AKAP6: variants seen among roughly 807,000 people sequenced by gnomAD.
AKAP6 encodes the protein A-kinase anchor protein 6.
Under a neutral mutation model 188.5 loss-of-function variants are expected in AKAP6, and 58 were observed. That is an observed-to-expected ratio of 0.31 (90% CI 0.25 to 0.38). The LOEUF (loss-of-function observed/expected upper bound fraction) is 0.38, where lower values mean the gene tolerates loss of function less well. Among genes scored for constraint, AKAP6 ranks in the 10% least tolerant of loss-of-function variants. AKAP6 has a pLI of 1.00. For missense variants in AKAP6, 2,710 were observed against 2,740.0 expected, an observed-to-expected ratio of 0.99 and a Z score of 0.24; for synonymous variants, 989 against 998.6, an observed-to-expected ratio of 0.99 and a Z score of 0.18.
chr14:32,769,345 G>T lies in AKAP6; in HGVS notation c.3373-4333G>T, dbSNP rs538019055. 2.6e-5 allele frequency among the ~76,000 whole-genome samples: 4 copies of T among 151,986 alleles called. No individual in the cohort carries two copies. The East Asian group carries it at 7.8e-4, about 29-fold the overall frequency. ...TTACAGATATGAGCCACTGCGCCTG[G>T]CCCCTCTTGATAATATTTAAACTAG... is the stretch of plus-strand genomic sequence containing the variant. On this transcript the variant is annotated intron_variant, in intron 11 of 13. Transcript: ENST00000280979.
At position 32,834,533 on chromosome 14, in the gene AKAP6, CTTTTTTT is replaced by C. The variant is rs11417769; in HGVS notation, c.*4743_*4749del. 8 of 103,874 alleles carry C rather than the reference CTTTTTTT, an allele frequency of 7.7e-5. No homozygotes were observed. In the Admixed American group the frequency reaches 8.0e-4, roughly 10 times the overall value. 6.4% of individuals were successfully genotyped at this position (103,874 alleles called of 1,614,324 possible). ...CACACACTGCTTTTAGTTTCCAAGT[CTTTTTTT>C]TTTTTTTTTTTTTTAAATCTTGCAT... On this transcript the variant is annotated 3_prime_UTR_variant, in exon 14 of 14. Transcript: ENST00000280979.
At chr14:32,628,345 A>T (rs940141739) in intron 7 of AKAP6, among the ~76,000 whole-genome samples, 1 of 152,130 alleles carries the variant, frequency 6.6e-6, no homozygotes, top group East Asian at 1.9e-4. Context: ...CAACCATCCA[A>T]ATTCTACAGT....
At chr14:32,349,291 C>T (rs919418198) in intron 1 of AKAP6, among the ~76,000 whole-genome samples, 2 of 151,756 alleles carry the variant, frequency 1.3e-5, no homozygotes, top group Non-Finnish European at 2.9e-5. Context: ...CTTTTTAGTG[C>T]CTTTCAAAAC....
At chr14:32,656,584 T>A (rs892503339) in intron 7 of AKAP6, among the ~76,000 whole-genome samples, 20 of 152,206 alleles carry the variant, frequency 1.3e-4, no homozygotes, top group Admixed American at 1.2e-3. Context: ...AAGCTGGTAA[T>A]CTGAAGACTA....
At chr14:32,685,510 G>A (rs1319874618) in intron 8 of AKAP6, among the ~76,000 whole-genome samples, 1 of 151,850 alleles carries the variant, frequency 6.6e-6, no homozygotes, top group Non-Finnish European at 1.5e-5. Context: ...GGATCACGAG[G>A]TCAGGAGATC....
chr14:32,354,473 G>A (rs1594533216), intron 1 of AKAP6, among the ~76,000 whole-genome samples: 1 of 152,164 alleles, frequency 6.6e-6, no homozygotes, highest in African/African-American at 2.4e-5. Context: ...ATTCTGTTTA[G>A]CGTGGTGTCT....
chr14:32,675,237 T>C (rs2139627342), intron 7 of AKAP6, among the ~76,000 whole-genome samples: 1 of 152,338 alleles, frequency 6.6e-6, no homozygotes, highest in South Asian at 2.1e-4. Context: ...CTCCTATTGA[T>C]GGCATCATGG....
intron 11 of AKAP6, among the ~76,000 whole-genome samples, chr14:32,768,414 A>G (rs2032783960): frequency 1.3e-5 from 2 of 152,218 alleles, no homozygotes; most frequent in Non-Finnish European, 2.9e-5. Flanking sequence ...TAAAAATGAC[A>G]AAAAAGAGTA....
chr14:32,518,961 C>T (rs542932353), intron 2 of AKAP6, among the ~76,000 whole-genome samples: 2 of 152,282 alleles, frequency 1.3e-5, no homozygotes, highest in East Asian at 3.9e-4. Context: ...TCGGGTTACC[C>T]ACAAAGGGAA....
At position 32,476,566 on chromosome 14, in the gene AKAP6, T is replaced by C. The variant is rs534878622; in HGVS notation, c.324+42749T>C. Reference sequence around the variant, plus strand: ...TTTTAGCCCTGTTTCCCATCGAATTTTATCTAGTCATATTTGACTTGTGTC... The same window carrying C: ...TTTTAGCCCTGTTTCCCATCGAATTCTATCTAGTCATATTTGACTTGTGTC... On this transcript the variant is annotated intron_variant, in intron 2 of 13. Transcript: ENST00000280979. Among the ~76,000 whole-genome samples, 7 of 152,326 alleles carry C rather than the reference T, an allele frequency of 4.6e-5. No individual in the cohort carries two copies. The South Asian group carries it at 1.5e-3, about 32-fold the overall frequency.
Position 32,433,264 on chromosome 14 carries a change from T to G in AKAP6, c.-34-196T>G. On this transcript the variant is annotated intron_variant, in intron 1 of 13. Coordinates refer to ENST00000280979, the MANE Select transcript of AKAP6 (RefSeq NM_004274.5). ...AGTAGTCAATATCACAGTGGTTTTA[T>G]GTTCATATTATTTCCTGGCTCTTGG... 1.2e-5 allele frequency: 6 copies of G among 496,856 alleles called. No homozygotes were observed. In the South Asian group the frequency reaches 1.5e-4, roughly 12 times the overall value. 30.8% of individuals were successfully genotyped at this position (496,856 alleles called of 1,614,324 possible).
At chr14:32,777,956 T>C (rs1446953493) in intron 12 of AKAP6, among the ~76,000 whole-genome samples, 4 of 152,168 alleles carry the variant, frequency 2.6e-5, no homozygotes, top group Non-Finnish European at 5.9e-5. Context: ...GGAGGATCAC[T>C]TGAGCCTGGG....
chr14:32,404,691 G>GATTATATATATATATATATATATAT (rs376446917), intron 1 of AKAP6, among the ~76,000 whole-genome samples: 2 of 44,438 alleles, frequency 4.5e-5, no homozygotes, highest in Non-Finnish European at 9.2e-5. Context: ...GGAGTCAGGA[G>GATTATATATATATATATATATATAT]ATATATATAT....
intron 2 of AKAP6, among the ~76,000 whole-genome samples, chr14:32,461,812 G>A (rs553462371): frequency 6.6e-6 from 1 of 152,126 alleles, no homozygotes; most frequent in East Asian, 1.9e-4. Context: ...ATAATGCAAT[G>A]CAAGGAAGCT....
chr14:32,445,838 C>T (rs926563589), intron 2 of AKAP6, among the ~76,000 whole-genome samples: 1 of 152,150 alleles, frequency 6.6e-6, no homozygotes, highest in Admixed American at 6.5e-5. Context: ...AATTAGCATA[C>T]AATTTGTTTC....
intron 9 of AKAP6, among the ~76,000 whole-genome samples, chr14:32,724,762 C>A (rs1207189602): frequency 1.3e-5 from 2 of 151,984 alleles, no homozygotes; most frequent in Non-Finnish European, 2.9e-5. Flanking sequence ...TTATCAAATA[C>A]AGATCAAAAG....
At chr14:32,817,675 T>C (rs2034421895) in intron 12 of AKAP6, among the ~76,000 whole-genome samples, 1 of 152,128 alleles carries the variant, frequency 6.6e-6, no homozygotes, top group African/African-American at 2.4e-5. Context: ...ATCCATTTGG[T>C]CTCATTCAAA....
chr14:32,551,802 G>A (rs1023894635), intron 4 of AKAP6, among the ~76,000 whole-genome samples: 2 of 150,682 alleles, frequency 1.3e-5, no homozygotes, highest in African/African-American at 4.9e-5. Context: ...TGGGACTACA[G>A]GTGCCTGCCA....
At chr14:32,544,209 A>G (rs1883085068) in intron 3 of AKAP6, among the ~76,000 whole-genome samples, 1 of 152,184 alleles carries the variant, frequency 6.6e-6, no homozygotes, top group Admixed American at 6.5e-5. Flanking sequence ...AGATCTGGGG[A>G]TGTAACAACC....
Sources: allele counts gnomAD v4.1 joint callset (sites outside exome capture counted in the v4.1 genomes callset), GRCh38; gene constraint gnomAD v4.1.1; transcripts MANE v1.5; gene names NCBI Gene and HGNC (gene_info 2026-07-23, HGNC 2026-07-21).